The following CPA6 variants were observed in gnomAD, a reference collection of about 807,000 sequenced individuals.
CPA6 encodes carboxypeptidase A6.
Under a neutral mutation model 63.3 loss-of-function variants are expected in CPA6, and 58 were observed. The ratio of observed to expected loss-of-function variants is 0.92; its 90% CI spans 0.74 to 1.14. The LOEUF (loss-of-function observed/expected upper bound fraction) is 1.14, where lower values mean the gene tolerates loss of function less well. CPA6 is among the 50% of genes most tolerant of loss of function. The pLI, the probability that CPA6 is intolerant of heterozygous loss-of-function variation, is 0.00. For missense variants in CPA6, 565 were observed against 526.6 expected (o/e 1.07, Z -0.71); for synonymous variants, 185 against 179.0 (o/e 1.03, Z -0.27).
intron 8 of CPA6, among the ~76,000 whole-genome samples, chr8:67,475,242 A>G (rs1811147305): frequency 6.6e-6 from 1 of 152,218 alleles, no homozygotes; most frequent in Non-Finnish European, 1.5e-5. Flanking sequence ...CCGGAGAATC[A>G]AGTGCAGATA....
At chr8:67,589,318 T>C (rs1814040282) in intron 2 of CPA6, among the ~76,000 whole-genome samples, 1 of 152,206 alleles carries the variant, frequency 6.6e-6, no homozygotes, top group Admixed American at 6.5e-5. Context: ...AAAAGGACTT[T>C]GTGCAAATGA....
chr8:67,644,182 C>A (rs541310558), intron 1 of CPA6, among the ~76,000 whole-genome samples: 2 of 151,750 alleles, frequency 1.3e-5, no homozygotes, highest in Admixed American at 6.6e-5. Flanking sequence ...GCAGTGGCGC[C>A]ATTTCGGCTC....
intron 2 of CPA6, among the ~76,000 whole-genome samples, chr8:67,579,944 C>CT (rs956894851): frequency 6.6e-5 from 10 of 152,040 alleles, no homozygotes; most frequent in East Asian, 3.8e-4. Flanking sequence ...TGTTAACCCT[C>CT]TTTTTTTTAT....
At chr8:67,527,079 G>C (rs1812378807) in intron 2 of CPA6, among the ~76,000 whole-genome samples, 1 of 152,176 alleles carries the variant, frequency 6.6e-6, no homozygotes, top group Non-Finnish European at 1.5e-5. Flanking sequence ...CCATTAAGAA[G>C]TACATTGGAA....
At chr8:67,529,535 C>T (rs960147490) in intron 2 of CPA6, among the ~76,000 whole-genome samples, 2 of 152,110 alleles carry the variant, frequency 1.3e-5, no homozygotes, top group Non-Finnish European at 2.9e-5. Flanking sequence ...AGATAATGGG[C>T]CCTCCAATAT....
At chr8:67,467,156 G>A (rs147369431) in intron 8 of CPA6, among the ~76,000 whole-genome samples, 1 of 152,128 alleles carries the variant, frequency 6.6e-6, no homozygotes, top group Non-Finnish European at 1.5e-5. Flanking sequence ...TCTTTATAAT[G>A]TATTTTCAAA....
intron 6 of CPA6, among the ~76,000 whole-genome samples, chr8:67,486,793 T>C (rs1368875680): frequency 6.6e-6 from 1 of 152,154 alleles, no homozygotes; most frequent in Non-Finnish European, 1.5e-5. Flanking sequence ...AAAACAAAGA[T>C]ACACTAAGAA....
intron 2 of CPA6, among the ~76,000 whole-genome samples, chr8:67,611,088 C>CT (rs10561387): frequency 2.4e-4 from 35 of 146,798 alleles, no homozygotes; most frequent in South Asian, 1.1e-3. Context: ...TTCACTCCTT[C>CT]TTTTTTTTTT....
At chr8:67,722,632 C>T (rs984657359) in intron 1 of CPA6, among the ~76,000 whole-genome samples, 4 of 152,114 alleles carry the variant, frequency 2.6e-5, no homozygotes, top group Admixed American at 1.3e-4. Flanking sequence ...AAACCTTGGC[C>T]TTTAACCAGA....
chr8:67,542,029 A>G (rs1343331807), intron 2 of CPA6, among the ~76,000 whole-genome samples: 12 of 152,262 alleles, frequency 7.9e-5, no homozygotes, highest in East Asian at 3.8e-4. Context: ...GCAAGAAACC[A>G]GTATAATATT....
At chr8:67,443,776 G>A (rs943297807) in intron 8 of CPA6, among the ~76,000 whole-genome samples, 1 of 152,152 alleles carries the variant, frequency 6.6e-6, no homozygotes. Context: ...TATAATCAGG[G>A]AGACCAAATC....
At chr8:67,477,826 A>G (rs112623496) in intron 8 of CPA6, among the ~76,000 whole-genome samples, 1,681 of 152,316 alleles carry the variant, frequency 0.011, 34 homozygotes, top group African/African-American at 0.037. Context: ...AATGTGGATT[A>G]GTTCTTTCCC....
chr8:67,602,103 CTG>C (rs1212351395), intron 2 of CPA6, among the ~76,000 whole-genome samples: 6 of 152,170 alleles, frequency 3.9e-5, no homozygotes, highest in African/African-American at 1.4e-4. Context: ...AGTAGTAAAA[CTG>C]TGTGTATAGT....
intron 1 of CPA6, among the ~76,000 whole-genome samples, chr8:67,707,644 C>G (rs533703524): frequency 6.6e-6 from 1 of 152,268 alleles, no homozygotes; most frequent in East Asian, 1.9e-4. Flanking sequence ...TGTGGTGGCT[C>G]AAGCCTGTAA....
intron 1 of CPA6, among the ~76,000 whole-genome samples, chr8:67,632,982 T>C (rs1435208554): frequency 6.6e-6 from 1 of 152,240 alleles, no homozygotes; most frequent in Non-Finnish European, 1.5e-5. Flanking sequence ...ATTTTTCTGA[T>C]GAATTTGACA....
intron 6 of CPA6, among the ~76,000 whole-genome samples, chr8:67,496,766 G>A (rs1196682031): frequency 2.0e-5 from 3 of 151,480 alleles, no homozygotes; most frequent in Non-Finnish European, 2.9e-5. Context: ...TCACCATGTT[G>A]GCCAGGTTGG....
intron 1 of CPA6, among the ~76,000 whole-genome samples, chr8:67,676,686 CCTTCAGAGGACTGAA>C (rs1420644494): frequency 1.3e-5 from 2 of 152,128 alleles, no homozygotes; most frequent in Admixed American, 6.5e-5. Context: ...AGTGGACATT[CCTTCAGAGGACTGAA>C]CTTTACCACC....
At chr8:67,648,356 T>C (rs964003474) in intron 1 of CPA6, among the ~76,000 whole-genome samples, 4 of 151,054 alleles carry the variant, frequency 2.6e-5, no homozygotes, top group African/African-American at 4.9e-5. Context: ...CAAAATCCTT[T>C]GAGGAATGAG....
chr8:67,721,681 G>A (rs1236056822), intron 1 of CPA6, among the ~76,000 whole-genome samples: 11 of 151,990 alleles, frequency 7.2e-5, no homozygotes, highest in Admixed American at 4.6e-4. Flanking sequence ...CCCCTATCAC[G>A]GATCAATGGC....
Sources: gnomAD v4.1 joint callset for allele counts (sites outside exome capture counted in the v4.1 genomes callset) on GRCh38, gnomAD v4.1.1 for gene constraint, MANE v1.5 for transcripts, NCBI Gene and HGNC (gene_info 2026-07-23, HGNC 2026-07-21) for gene names.